PDE11A: variants seen among roughly 807,000 people sequenced by gnomAD.
PDE11A encodes the protein phosphodiesterase 11A.
A neutral mutation model predicts 100.5 loss-of-function variants in PDE11A; 100 were observed. The ratio of observed to expected loss-of-function variants is 1.00; its 90% CI spans 0.85 to 1.18. The LOEUF is 1.18. Ranked by LOEUF, PDE11A falls within the 50% of genes most tolerant of loss-of-function variation. The probability of loss-of-function intolerance (pLI) is 0.00; values close to 1 mark genes in which losing one functional copy is unlikely to be tolerated. For synonymous variants in PDE11A, 381 were observed against 420.8 expected, an observed-to-expected ratio of 0.91 and a Z score of 1.16; for missense variants, 1,141 against 1,152.6, an observed-to-expected ratio of 0.99 and a Z score of 0.15.
chr2:177,949,540 G>A (rs1431717595), intron 2 of PDE11A, among the ~76,000 whole-genome samples: 2 of 152,160 alleles, frequency 1.3e-5, no homozygotes, highest in Non-Finnish European at 2.9e-5. Context: ...TCTCCAGCCT[G>A]CTTCCTGCTC....
At chr2:177,708,649 A>G (rs78366959) in intron 13 of PDE11A, among the ~76,000 whole-genome samples, 2,520 of 152,330 alleles carry the variant, frequency 0.017, 63 homozygotes, top group African/African-American at 0.057. Flanking sequence ...CAAACAAGCA[A>G]TGTTTTATAA....
Position 177,769,390 on chromosome 2 carries a change from A to G in PDE11A, c.1738-17T>C. On this transcript the variant is annotated splice_polypyrimidine_tract_variant and intron_variant, in intron 9 of 19. Transcript: ENST00000286063. The stretch of plus-strand genomic sequence containing the variant: ...TGATAGCACCTGATTCAGAAGAAAA[A>G]AAAATAATTTTAATAACTAGACATG... 6.6e-7 allele frequency: 1 copy of G among 1,503,794 alleles called. No individual in the cohort carries two copies. The highest frequency in any genetic ancestry group is 9.3e-7 in the Non-Finnish European group (1 of 1,079,700). 93.2% of individuals were successfully genotyped at this position (1,503,794 alleles called of 1,614,324 possible).
At chr2:177,720,352 G>A (rs897619720) in intron 12 of PDE11A, among the ~76,000 whole-genome samples, 1 of 152,086 alleles carries the variant, frequency 6.6e-6, no homozygotes, top group African/African-American at 2.4e-5. Context: ...TTTAAAAAAG[G>A]ATCTTACCTT....
At chr2:177,738,721 A>G (rs187550830) in intron 10 of PDE11A, among the ~76,000 whole-genome samples, 1 of 152,298 alleles carries the variant, frequency 6.6e-6, no homozygotes, top group East Asian at 1.9e-4. Context: ...GGAGGGCACA[A>G]CCACTATTCC....
chr2:177,742,382 CT>C (rs2081885692), intron 10 of PDE11A, among the ~76,000 whole-genome samples: 1 of 152,128 alleles, frequency 6.6e-6, no homozygotes, highest in African/African-American at 2.4e-5. Flanking sequence ...TCTATTGCCC[CT>C]GATGAAGTCT....
chr2:177,922,615 C>A, intron 2 of PDE11A: 1 of 873,804 alleles, frequency 1.1e-6, no homozygotes, highest in Non-Finnish European at 1.4e-6. Flanking sequence ...TCACTGAGTC[C>A]GGCTAATTTT....
chr2:177,934,180 C>A (rs2085244590), intron 2 of PDE11A, among the ~76,000 whole-genome samples: 1 of 151,988 alleles, frequency 6.6e-6, no homozygotes, highest in Non-Finnish European at 1.5e-5. Context: ...CAAAAGAAAC[C>A]ATCAACAGAG....
At chr2:177,945,730 G>C (rs1304871994) in intron 2 of PDE11A, among the ~76,000 whole-genome samples, 2 of 151,626 alleles carry the variant, frequency 1.3e-5, no homozygotes, top group African/African-American at 4.8e-5. Flanking sequence ...AGGGAGGTGG[G>C]GGGGGTCAGC....
intron 17 of PDE11A, among the ~76,000 whole-genome samples, chr2:177,670,488 TG>T (rs34915755): frequency 0.58 from 87,743 of 151,858 alleles, 29,705 homozygotes; most frequent in Non-Finnish European, 0.72. Context: ...TACTACAGTG[TG>T]CATCTAGGAC....
At chr2:177,702,405 A>G (rs965821751) in intron 13 of PDE11A, 1 of 152,168 alleles carries the variant, frequency 6.6e-6, no homozygotes, top group Non-Finnish European at 1.5e-5. Context: ...GACATCCCAG[A>G]GAAGCCCACA....
intron 2 of PDE11A, among the ~76,000 whole-genome samples, chr2:178,083,257 G>A (rs2087309533): frequency 6.6e-6 from 1 of 151,892 alleles, no homozygotes. Flanking sequence ...CTGCCACCAT[G>A]CCCATCTAAT....
At chr2:177,787,443 T>C (rs1180357406) in intron 9 of PDE11A, among the ~76,000 whole-genome samples, 1 of 151,446 alleles carries the variant, frequency 6.6e-6, no homozygotes, top group Non-Finnish European at 1.5e-5. Flanking sequence ...CATGCCAAAA[T>C]GTAAAGACCA....
chr2:177,972,166 G>A (rs2085779738), intron 2 of PDE11A, among the ~76,000 whole-genome samples: 1 of 152,134 alleles, frequency 6.6e-6, no homozygotes, highest in Admixed American at 6.5e-5. Flanking sequence ...TCATGAAAAG[G>A]AAAAAGACCA....
At chr2:177,881,039 G>C (rs992404131) in intron 4 of PDE11A, among the ~76,000 whole-genome samples, 10 of 152,158 alleles carry the variant, frequency 6.6e-5, no homozygotes, top group African/African-American at 2.4e-4. Context: ...AATAAATTGA[G>C]TAAAGAAGAT....
intron 10 of PDE11A, among the ~76,000 whole-genome samples, chr2:177,735,947 G>A (rs1162387586): frequency 6.6e-6 from 1 of 152,204 alleles, no homozygotes; most frequent in Non-Finnish European, 1.5e-5. Flanking sequence ...GTGGCAGGTG[G>A]CAAATGTTTG....
intron 13 of PDE11A, 145 bp downstream of exon 13, chr2:177,711,624 A>G (rs1283511430): frequency 7.5e-6 from 5 of 666,154 alleles, no homozygotes; most frequent in Middle Eastern, 2.4e-4. Flanking sequence ...ATAAAGATGG[A>G]TGGGCCCCAT....
intron 2 of PDE11A, among the ~76,000 whole-genome samples, chr2:177,933,955 C>T (rs1034329735): frequency 1.3e-5 from 2 of 152,114 alleles, no homozygotes; most frequent in Non-Finnish European, 2.9e-5. Flanking sequence ...TGGACCCCTA[C>T]CTTTCACCAT....
At chr2:177,695,138 T>C (rs751576962) in intron 15 of PDE11A, among the ~76,000 whole-genome samples, 3 of 151,652 alleles carry the variant, frequency 2.0e-5, no homozygotes, top group Non-Finnish European at 2.9e-5. Flanking sequence ...AGGGGTATAA[T>C]TGCTAGATAA....
intron 13 of PDE11A, among the ~76,000 whole-genome samples, chr2:177,709,630 C>G (rs1422188782): frequency 6.6e-6 from 1 of 152,018 alleles, no homozygotes; most frequent in African/African-American, 2.4e-5. Context: ...CCTGAAGGAT[C>G]GTGAAGAGTG....
Sources: allele counts gnomAD v4.1 joint callset (sites outside exome capture counted in the v4.1 genomes callset), GRCh38; gene constraint gnomAD v4.1.1; transcripts MANE v1.5; gene names NCBI Gene and HGNC (gene_info 2026-07-23, HGNC 2026-07-21).